Variants in TMEM178B observed in about 807,000 individuals in gnomAD.
The protein encoded by TMEM178B is transmembrane protein 178B.
Under a neutral mutation model 31.0 loss-of-function variants are expected in TMEM178B, and 5 were observed. The observed-to-expected ratio is 0.16, with a 90% CI of 0.08 to 0.34. The LOEUF (loss-of-function observed/expected upper bound fraction) is 0.34. Ranked by LOEUF, TMEM178B falls within the 10% of genes least tolerant of loss-of-function variation. The probability of loss-of-function intolerance (pLI) is 1.00; values close to 1 mark genes in which losing one functional copy is unlikely to be tolerated. For missense variants in TMEM178B, 275 were observed against 400.3 expected (o/e 0.69, Z 2.67); for synonymous variants, 164 against 164.0 (o/e 1.00, Z 0.00).
chr7:141,445,291 A>T (rs1801732546), intron 3 of TMEM178B, among the ~76,000 whole-genome samples: 1 of 152,194 alleles, frequency 6.6e-6, no homozygotes, highest in African/African-American at 2.4e-5. Context: ...AAAGACCTTC[A>T]TGGAGGCCTG....
chr7:141,332,139 T>C (rs1162567226), intron 2 of TMEM178B, among the ~76,000 whole-genome samples: 2 of 152,196 alleles, frequency 1.3e-5, no homozygotes, highest in Non-Finnish European at 2.9e-5. Context: ...CTGAATTGTC[T>C]TGTGTTGCTG....
At chr7:141,350,433 T>C (rs571885960) in intron 2 of TMEM178B, among the ~76,000 whole-genome samples, 3 of 152,294 alleles carry the variant, frequency 2.0e-5, no homozygotes, top group Admixed American at 1.3e-4. Flanking sequence ...TTCAGGGCTG[T>C]ATCATTATTG....
the TMEM178B span, among the ~76,000 whole-genome samples, chr7:141,504,768 G>C: frequency 1.8e-4 from 28 of 152,336 alleles, no homozygotes; most frequent in African/African-American, 6.5e-4. Context: ...GGTGAAGTCT[G>C]ACGCTTTAAT....
intron 1 of TMEM178B, among the ~76,000 whole-genome samples, chr7:141,162,240 C>G (rs573300709): frequency 6.6e-6 from 1 of 152,352 alleles, no homozygotes; most frequent in African/African-American, 2.4e-5. Context: ...GGCTGTTGTC[C>G]TGCTCTTTCT....
intron 2 of TMEM178B, among the ~76,000 whole-genome samples, chr7:141,220,176 G>A (rs1373157245): frequency 6.9e-6 from 1 of 145,914 alleles, no homozygotes. Context: ...AAATTAGCTG[G>A]GCGTGGTGAC....
At chr7:141,178,796 G>A (rs752973615) in intron 1 of TMEM178B, among the ~76,000 whole-genome samples, 12 of 152,086 alleles carry the variant, frequency 7.9e-5, no homozygotes, top group Non-Finnish European at 1.3e-4. Flanking sequence ...CAGTTTGCCG[G>A]CTTTTAGCAG....
chr7:141,374,603 G>A (rs139884532), intron 2 of TMEM178B, among the ~76,000 whole-genome samples: 179 of 152,290 alleles, frequency 1.2e-3, no homozygotes, highest in African/African-American at 4.1e-3. Flanking sequence ...CAGCGTCAGA[G>A]TCTCTTCCAT....
Position 141,424,256 on chromosome 7 carries a change from G to A in TMEM178B, c.497-13352G>A, listed in dbSNP as rs117645923. Among the ~76,000 whole-genome samples, 66 of 152,298 alleles carry A rather than the reference G, an allele frequency of 4.3e-4. No individual in the cohort carries two copies. The East Asian group carries it at 0.012, about 28-fold the overall frequency. ...ACTGAAAGCATCACATGCAAAAAAG[G>A]CAATGGTGGCCCTGACACTTTAGAG... On this transcript the variant is annotated intron_variant, in intron 2 of 3. Transcript: ENST00000565468.
intron 2 of TMEM178B, among the ~76,000 whole-genome samples, chr7:141,413,028 C>G (rs1394734124): frequency 6.6e-6 from 1 of 152,132 alleles, no homozygotes; most frequent in Non-Finnish European, 1.5e-5. Flanking sequence ...CACAGAGAAG[C>G]ACAGTTGATT....
At chr7:141,334,421 A>G (rs1382178224) in intron 2 of TMEM178B, among the ~76,000 whole-genome samples, 2 of 152,258 alleles carry the variant, frequency 1.3e-5, no homozygotes, top group Non-Finnish European at 2.9e-5. Flanking sequence ...CATAGAACGT[A>G]GTCATCACAT....
At chr7:141,277,853 A>G (rs1385234350) in intron 2 of TMEM178B, among the ~76,000 whole-genome samples, 2 of 152,204 alleles carry the variant, frequency 1.3e-5, no homozygotes, top group Non-Finnish European at 2.9e-5. Context: ...CAGCATATAT[A>G]TATTGAATAT....
At chr7:141,510,839 A>T in the TMEM178B span, among the ~76,000 whole-genome samples, 2 of 152,078 alleles carry the variant, frequency 1.3e-5, no homozygotes, top group Non-Finnish European at 2.9e-5. Flanking sequence ...CCAACTGCCC[A>T]TGCCTTCCCC....
Position 141,087,200 on chromosome 7 carries a change from TA to T in TMEM178B, c.382+12510del, listed in dbSNP as rs772782775. ...TGGGGCAGTCTGTGGTTGACTTTTG[TA>T]AGTAGGAACAAGAAGCATTTAGAAA... is the stretch of plus-strand genomic sequence containing the variant. On this transcript the variant is annotated intron_variant, in intron 1 of 3. Coordinates refer to ENST00000565468, the MANE Select transcript of TMEM178B (RefSeq NM_001195278.2). 8.5e-4 allele frequency among the ~76,000 whole-genome samples: 130 copies of T among 152,326 alleles called. 1 individual carries two copies. Among genetic ancestry groups the T allele is most frequent in the African/African-American group, 3.0e-3 (125 of 41,572 alleles).
chr7:141,484,065 C>A (rs1175261266), downstream of TMEM178B, among the ~76,000 whole-genome samples: 2 of 152,106 alleles, frequency 1.3e-5, no homozygotes. This position sits in a 1 kb window ranked among gnomAD's most constrained non-coding sequence, Gnocchi z 4.8. Context: ...GAAACCTGTC[C>A]AGTGCTTAGT....
At chr7:141,335,842 C>T (rs140843216) in intron 2 of TMEM178B, among the ~76,000 whole-genome samples, 7 of 152,110 alleles carry the variant, frequency 4.6e-5, no homozygotes, top group Admixed American at 3.3e-4. Flanking sequence ...AGGCCATGTT[C>T]TTTTTTCCTA....
At chr7:141,419,953 A>G (rs1470222107) in intron 2 of TMEM178B, among the ~76,000 whole-genome samples, 1 of 152,158 alleles carries the variant, frequency 6.6e-6, no homozygotes, top group African/African-American at 2.4e-5. Context: ...CTATTCATCA[A>G]ATATGATAAG....
intron 2 of TMEM178B, among the ~76,000 whole-genome samples, chr7:141,307,159 T>C (rs1388581473): frequency 8.8e-6 from 1 of 113,676 alleles, no homozygotes; most frequent in Non-Finnish European, 1.7e-5. Flanking sequence ...ATTGGGGATG[T>C]TGGTACCATT....
chr7:141,466,298 C>T (rs1414130241), intron 3 of TMEM178B, among the ~76,000 whole-genome samples: 1 of 152,194 alleles, frequency 6.6e-6, no homozygotes, highest in African/African-American at 2.4e-5. Flanking sequence ...GAAGATTCCT[C>T]ATCAACTCTA....
At chr7:141,448,623 G>T (rs1056070921) in intron 3 of TMEM178B, among the ~76,000 whole-genome samples, 8 of 152,178 alleles carry the variant, frequency 5.3e-5, no homozygotes, top group African/African-American at 1.7e-4. Flanking sequence ...GTCAGGCTTT[G>T]GTTCTCAGTG....
Sources: gnomAD v4.1 joint callset for allele counts (sites outside exome capture counted in the v4.1 genomes callset) on GRCh38, gnomAD v4.1.1 for gene constraint, Gnocchi (gnomAD v3.1) non-coding constraint, MANE v1.5 for transcripts, NCBI Gene and HGNC (gene_info 2026-07-23, HGNC 2026-07-21) for gene names.